GAB2: variants seen among roughly 807,000 people sequenced by gnomAD.
GAB2 encodes GRB2 associated binding protein 2.
In GAB2, 26 loss-of-function variants were observed where a neutral mutation model predicts 65.5. The ratio of observed to expected loss-of-function variants is 0.40; its 90% CI spans 0.29 to 0.55. The LOEUF (loss-of-function observed/expected upper bound fraction) is 0.55. Ranked by LOEUF, GAB2 falls within the 20% of genes least tolerant of loss-of-function variation. The pLI, the probability that GAB2 is intolerant of heterozygous loss-of-function variation, is 0.53. For missense variants in GAB2, 884 were observed against 875.8 expected, an observed-to-expected ratio of 1.01 and a Z score of -0.12; for synonymous variants, 321 against 329.6, an observed-to-expected ratio of 0.97 and a Z score of 0.28.
intron 2 of GAB2, among the ~76,000 whole-genome samples, chr11:78,278,310 T>G (rs1242488839): frequency 6.6e-6 from 1 of 152,096 alleles, no homozygotes; most frequent in African/African-American, 2.4e-5. Flanking sequence ...TCTTAGGTGA[T>G]CCACCTGCCT....
rs368170392 is a variant in GAB2 at position 78,409,955 on chromosome 11, A to G, written c.75+7691T>C. On this transcript the variant is annotated intron_variant, in intron 1 of 9. Transcript: ENST00000361507. Reference sequence around the variant, plus strand: ...TCCCACAATGAATTCCAACTAAAAGACAGAAACAGAAAAATAATGGGAAAA... The same window carrying G: ...TCCCACAATGAATTCCAACTAAAAGGCAGAAACAGAAAAATAATGGGAAAA... 2.6e-5 allele frequency among the ~76,000 whole-genome samples: 4 copies of G among 152,306 alleles called. No homozygotes were observed. In the East Asian group the frequency reaches 7.7e-4, roughly 29 times the overall value.
At chr11:78,288,933 A>G (rs2134600987) in intron 1 of GAB2, among the ~76,000 whole-genome samples, 1 of 152,388 alleles carries the variant, frequency 6.6e-6, no homozygotes, top group South Asian at 2.1e-4. Context: ...TATAGCTACA[A>G]CAATCAAGAC....
chr11:78,328,726 C>T (rs1855866269), intron 1 of GAB2, among the ~76,000 whole-genome samples: 1 of 118,206 alleles, frequency 8.5e-6, no homozygotes, highest in Non-Finnish European at 1.6e-5. Flanking sequence ...ACAGGCAAAA[C>T]TAATCTATGG....
At chr11:78,414,607 A>G (rs1172019501) in intron 1 of GAB2, among the ~76,000 whole-genome samples, 2 of 152,186 alleles carry the variant, frequency 1.3e-5, no homozygotes, top group Non-Finnish European at 2.9e-5. Context: ...CTGAGGCACG[A>G]TGGGAGGGTT....
At chr11:78,250,007 A>C (rs1047338796) in intron 3 of GAB2, 150 bp downstream of exon 3, 1 of 821,268 alleles carries the variant, frequency 1.2e-6, no homozygotes, top group Non-Finnish European at 2.0e-6. Context: ...TATGAAGGCT[A>C]CAGAAGCAAA....
chr11:78,260,103 T>G (rs927244698), intron 2 of GAB2, among the ~76,000 whole-genome samples: 1 of 152,216 alleles, frequency 6.6e-6, no homozygotes, highest in Non-Finnish European at 1.5e-5. Context: ...TCCTAATGTT[T>G]ATAAGAACTA....
At chr11:78,380,300 C>A (rs542623423) in intron 1 of GAB2, among the ~76,000 whole-genome samples, 12 of 152,100 alleles carry the variant, frequency 7.9e-5, no homozygotes, top group African/African-American at 2.9e-4. Flanking sequence ...CTCCGCCTCC[C>A]GGGTTCAAGT....
At chr11:78,248,278 A>T (rs909660471) in intron 3 of GAB2, among the ~76,000 whole-genome samples, 4 of 152,102 alleles carry the variant, frequency 2.6e-5, no homozygotes, top group Non-Finnish European at 5.9e-5. Flanking sequence ...TCAAGCAGAG[A>T]TGTTTCTACG....
At chr11:78,270,001 G>A (rs1865970624) in intron 2 of GAB2, among the ~76,000 whole-genome samples, 2 of 152,210 alleles carry the variant, frequency 1.3e-5, no homozygotes, top group Admixed American at 1.3e-4. Context: ...ACAGTAGCTT[G>A]TAGGTTCCTC....
chr11:78,264,476 C>CT (rs1865822121), intron 2 of GAB2, among the ~76,000 whole-genome samples: 1 of 152,120 alleles, frequency 6.6e-6, no homozygotes, highest in African/African-American at 2.4e-5. Flanking sequence ...TCTCAGCTCG[C>CT]TGCAGCCTCC....
At chr11:78,406,331 T>C (rs1023111648) in intron 1 of GAB2, among the ~76,000 whole-genome samples, 1 of 152,160 alleles carries the variant, frequency 6.6e-6, no homozygotes, top group Non-Finnish European at 1.5e-5. Context: ...AACACAAGGT[T>C]TAAATTAGAT....
At chr11:78,282,888 C>A (rs867446771) in intron 1 of GAB2, among the ~76,000 whole-genome samples, 1 of 152,186 alleles carries the variant, frequency 6.6e-6, no homozygotes, top group African/African-American at 2.4e-5. Flanking sequence ...TCTATTTCTG[C>A]GATCCATTAT....
At chr11:78,269,650 T>C (rs941419707) in intron 2 of GAB2, among the ~76,000 whole-genome samples, 1 of 152,194 alleles carries the variant, frequency 6.6e-6, no homozygotes, top group Admixed American at 6.5e-5. Flanking sequence ...TGACCCCAGG[T>C]GGGACCCAGG....
chr11:78,399,726 G>C (rs1261664895), intron 1 of GAB2, among the ~76,000 whole-genome samples: 1 of 152,160 alleles, frequency 6.6e-6, no homozygotes, highest in Non-Finnish European at 1.5e-5. Context: ...CTATGAATAG[G>C]TTAATAAATG....
At chr11:78,259,576 T>C (rs1054216590) in intron 2 of GAB2, among the ~76,000 whole-genome samples, 1 of 151,544 alleles carries the variant, frequency 6.6e-6, no homozygotes, top group Admixed American at 6.5e-5. Context: ...GGATTAAGTC[T>C]CAAAGGCCTT....
At chr11:78,412,807 A>C (rs1755026181) in intron 1 of GAB2, among the ~76,000 whole-genome samples, 2 of 152,252 alleles carry the variant, frequency 1.3e-5, no homozygotes, top group Admixed American at 1.3e-4. Flanking sequence ...TATAGGGCTA[A>C]ATTACTACAT....
intron 1 of GAB2, among the ~76,000 whole-genome samples, chr11:78,331,467 G>A (rs540919999): frequency 6.6e-6 from 1 of 152,038 alleles, no homozygotes; most frequent in African/African-American, 2.4e-5. Context: ...GGAGGGTCTC[G>A]ATCTTCTGAC....
Position 78,397,147 on chromosome 11 carries a change from C to T in GAB2, c.75+20499G>A, listed in dbSNP as rs946868661. 4.6e-5 allele frequency among the ~76,000 whole-genome samples: 7 copies of T among 151,950 alleles called. No individual in the cohort carries two copies. In the East Asian group the frequency reaches 5.8e-4, roughly 13 times the overall value. On this transcript the variant is annotated intron_variant, in intron 1 of 9. Coordinates refer to ENST00000361507, the MANE Select transcript of GAB2 (RefSeq NM_080491.3). ...AACAAAAAAATTCCATGTTTAATAG[C>T]GTATACTATGAAAGTTCCCAAAACC...
intron 3 of GAB2, among the ~76,000 whole-genome samples, chr11:78,246,421 A>T (rs190633220): frequency 1.3e-5 from 2 of 152,154 alleles, no homozygotes; most frequent in Non-Finnish European, 2.9e-5. Flanking sequence ...GACATTTTGG[A>T]TTACAGATCC....
Sources: allele counts gnomAD v4.1 joint callset (sites outside exome capture counted in the v4.1 genomes callset), GRCh38; gene constraint gnomAD v4.1.1; transcripts MANE v1.5; gene names NCBI Gene and HGNC (gene_info 2026-07-23, HGNC 2026-07-21).